DYRK1A: variants seen among roughly 807,000 people sequenced by gnomAD.
DYRK1A encodes the protein dual specificity tyrosine phosphorylation regulated kinase 1A.
A neutral mutation model predicts 79.7 loss-of-function variants in DYRK1A; 9 were observed. The observed-to-expected ratio is 0.11, with a 90% CI of 0.07 to 0.20. The LOEUF (loss-of-function observed/expected upper bound fraction) is 0.20, where lower values mean the gene tolerates loss of function less well. DYRK1A is among the 10% of genes least tolerant of loss of function. DYRK1A has a pLI of 1.00. For missense variants in DYRK1A, 622 were observed against 956.0 expected (o/e 0.65, Z 4.61); for synonymous variants, 349 against 329.7 (o/e 1.06, Z -0.63).
At chr21:37,383,874 T>G (rs2049709067) in intron 1 of DYRK1A, among the ~76,000 whole-genome samples, 1 of 152,042 alleles carries the variant, frequency 6.6e-6, no homozygotes, top group African/African-American at 2.4e-5. Flanking sequence ...TGTATCTTAG[T>G]GTAAAACATT....
intron 1 of DYRK1A, 187 bp from the exon 2 acceptor site, chr21:37,420,112 T>C (rs1041041400): frequency 2.4e-5 from 7 of 292,296 alleles, no homozygotes; most frequent in African/African-American, 1.3e-4. Flanking sequence ...ATATATTTTA[T>C]ATATAGTTGA....
intron 2 of DYRK1A, among the ~76,000 whole-genome samples, chr21:37,440,734 T>C (rs547921815): frequency 6.6e-6 from 1 of 152,348 alleles, no homozygotes; most frequent in Admixed American, 6.5e-5. Context: ...TCTGTTACTT[T>C]ATTCTGATTT....
rs1455908174 is a variant in DYRK1A at position 37,513,264 on chromosome 21, T to TG, written c.*734dup. ...GGCCACAGGAAGATAGGATGGAACG[T>TG]GACTGGTCTCCTAACCAAGGTGCAC... On this transcript the variant is annotated 3_prime_UTR_variant, in exon 12 of 12. Transcript: ENST00000647188. 1 of 152,750 alleles carries TG rather than the reference T, an allele frequency of 6.5e-6. No homozygotes were observed. The highest frequency in any genetic ancestry group is 2.4e-5 in the African/African-American group (1 of 41,426). The allele number at this position is 152,750 out of a possible 1,614,324, so 9.5% of individuals were successfully genotyped here.
chr21:37,484,862 C>G (rs942102270), intron 5 of DYRK1A, among the ~76,000 whole-genome samples: 2 of 152,152 alleles, frequency 1.3e-5, no homozygotes, highest in African/African-American at 4.8e-5. Flanking sequence ...CCAGGGCAGA[C>G]TGATACTTCC....
intron 1 of DYRK1A, among the ~76,000 whole-genome samples, chr21:37,386,869 G>A (rs1197992646): frequency 6.6e-6 from 1 of 152,214 alleles, no homozygotes; most frequent in South Asian, 2.1e-4. Context: ...GGGAAGAAGG[G>A]AAGATTATTT....
chr21:37,392,518 A>G (rs62222272), intron 1 of DYRK1A, among the ~76,000 whole-genome samples: 13,628 of 152,314 alleles, frequency 0.089, 768 homozygotes, highest in Non-Finnish European at 0.12. Context: ...GTCCATATCA[A>G]GGCACCAGCG....
intron 2 of DYRK1A, among the ~76,000 whole-genome samples, chr21:37,430,087 CT>C (rs750330986): frequency 4.4e-4 from 67 of 152,178 alleles, no homozygotes; most frequent in Non-Finnish European, 8.2e-4. Flanking sequence ...AAACCTCATT[CT>C]TGGCCATCAG....
intron 1 of DYRK1A, among the ~76,000 whole-genome samples, chr21:37,371,603 G>T (rs2049431339): frequency 6.6e-6 from 1 of 152,112 alleles, no homozygotes; most frequent in African/African-American, 2.4e-5. Flanking sequence ...TCTAGAAAGC[G>T]ATATTTAAAA....
chr21:37,470,984 G>A lies in DYRK1A; in HGVS notation c.11-1700G>A, dbSNP rs1021688182. 2.4e-4 allele frequency among the ~76,000 whole-genome samples: 37 copies of A among 152,206 alleles called. 1 individual carries two copies. Among genetic ancestry groups the A allele is most frequent in the Non-Finnish European group, 4.6e-4 (31 of 68,036 alleles). On this transcript the variant is annotated intron_variant, in intron 2 of 11. Coordinates refer to ENST00000647188, the MANE Select transcript of DYRK1A (RefSeq NM_001347721.2). ...ATTATTAATCATGTAGATTGGGAAA[G>A]TTAAGGACCTCACTGTAATGGGGAG...
intron 6 of DYRK1A, chr21:37,487,503 T>G (rs2052914750): frequency 1.3e-5 from 2 of 152,188 alleles, no homozygotes; most frequent in Non-Finnish European, 2.9e-5. Flanking sequence ...AAAAAACTGT[T>G]AAGTATTCAT....
chr21:37,507,081 C>T (rs1453207400), intron 11 of DYRK1A, among the ~76,000 whole-genome samples: 1 of 152,180 alleles, frequency 6.6e-6, no homozygotes, highest in Non-Finnish European at 1.5e-5. Flanking sequence ...CCCTCCCCTT[C>T]TCTGTTCTTA....
chr21:37,507,161 A>G (rs1373063441), intron 11 of DYRK1A, among the ~76,000 whole-genome samples: 2 of 152,224 alleles, frequency 1.3e-5, no homozygotes, highest in African/African-American at 4.8e-5. Flanking sequence ...CATTGAATAC[A>G]TGATCCTGCC....
intron 2 of DYRK1A, among the ~76,000 whole-genome samples, chr21:37,436,840 T>TA (rs750892683): frequency 1.6e-4 from 24 of 152,202 alleles, no homozygotes; most frequent in Non-Finnish European, 2.8e-4. Context: ...GGGACCTAGA[T>TA]ACAGAATTTA....
intron 9 of DYRK1A, among the ~76,000 whole-genome samples, chr21:37,499,966 A>G (rs2053390449): frequency 6.6e-6 from 1 of 152,204 alleles, no homozygotes; most frequent in Non-Finnish European, 1.5e-5. Context: ...TATGAGGGCC[A>G]ACTTTTCACA....
At chr21:37,394,211 C>CT (rs1201716993) in intron 1 of DYRK1A, among the ~76,000 whole-genome samples, 3 of 134,702 alleles carry the variant, frequency 2.2e-5, no homozygotes, top group Admixed American at 7.5e-5. Flanking sequence ...TGGTGTATTT[C>CT]TTTTTTTTTA....
At chr21:37,374,788 C>T (rs985833151) in intron 1 of DYRK1A, among the ~76,000 whole-genome samples, 6 of 152,086 alleles carry the variant, frequency 3.9e-5, no homozygotes, top group African/African-American at 9.7e-5. Flanking sequence ...CTCCTGACCT[C>T]GTGATCCGCC....
At chr21:37,478,512 AT>A (rs569269859) in intron 4 of DYRK1A, among the ~76,000 whole-genome samples, 96 of 152,160 alleles carry the variant, frequency 6.3e-4, no homozygotes, top group South Asian at 5.0e-3. Flanking sequence ...GGATAACTTG[AT>A]TTTTTTAAGG....
At chr21:37,407,188 T>A (rs1180884024) in intron 1 of DYRK1A, among the ~76,000 whole-genome samples, 1 of 152,220 alleles carries the variant, frequency 6.6e-6, no homozygotes, top group Non-Finnish European at 1.5e-5. Flanking sequence ...TATTTGCATA[T>A]ATGTAGTGAG....
chr21:37,476,133 T>C (rs144967628), intron 3 of DYRK1A, among the ~76,000 whole-genome samples: 1 of 152,284 alleles, frequency 6.6e-6, no homozygotes, highest in Non-Finnish European at 1.5e-5. Flanking sequence ...TACAATATTA[T>C]AGTAGCTGCA....
Sources: gnomAD v4.1 joint callset for allele counts (sites outside exome capture counted in the v4.1 genomes callset) on GRCh38, gnomAD v4.1.1 for gene constraint, MANE v1.5 for transcripts, NCBI Gene and HGNC (gene_info 2026-07-23, HGNC 2026-07-21) for gene names.